The following SLC22A15 variants were observed in gnomAD, a reference collection of about 807,000 sequenced individuals.
SLC22A15 encodes solute carrier family 22 member 15.
A neutral mutation model predicts 62.7 loss-of-function variants in SLC22A15; 45 were observed. The observed-to-expected ratio is 0.72, with a 90% CI of 0.56 to 0.92. SLC22A15 has a LOEUF of 0.92. SLC22A15 is among the 40% of genes least tolerant of loss of function. The probability of loss-of-function intolerance (pLI) is 0.00; values close to 1 mark genes in which losing one functional copy is unlikely to be tolerated. For synonymous variants in SLC22A15, 264 were observed against 267.0 expected (o/e 0.99, Z 0.11); for missense variants, 622 against 665.6 (o/e 0.93, Z 0.72).
In SLC22A15 at chr1:116,067,026, A is replaced by G; in HGVS notation, c.1562A>G (p.Asp521Gly). 2 of 1,611,680 alleles carry G rather than the reference A, an allele frequency of 1.2e-6. No individual in the cohort carries two copies. Among genetic ancestry groups the G allele is most frequent in the Non-Finnish European group, 1.7e-6 (2 of 1,178,842 alleles). The change falls in exon 12 of 12, where the codon GAC (aspartate) becomes GGC (glycine). Residue 521 changes from aspartate (D) to glycine (G), a missense_variant. Asp to Gly is a moderately conservative substitution (Grantham distance 94). Coordinates refer to ENST00000369503, the MANE Select transcript of SLC22A15 (RefSeq NM_018420.3). ...LQALDPQQCV[D>G]KESSLGSESE... ...TCTTCTTTCCTGTTTCAGTGTGTGG[A>G]CAAGGAGAGCTCTTTAGGGAGTGAG...
chr1:115,985,805 G>A (rs1201731091), intron 1 of SLC22A15, among the ~76,000 whole-genome samples: 1 of 151,792 alleles, frequency 6.6e-6, no homozygotes, highest in East Asian at 1.9e-4. Flanking sequence ...AAATTAGCTG[G>A]GTGTGGTGGC....
At chr1:116,027,130 T>C (rs1460485663) in intron 5 of SLC22A15, 108 bp downstream of exon 5, 2 of 1,069,152 alleles carry the variant, frequency 1.9e-6, no homozygotes, top group Admixed American at 4.2e-5. Context: ...TTGCCTGCAC[T>C]GACTTTGGTG....
chr1:116,023,550 C>T (rs139377436), intron 4 of SLC22A15, among the ~76,000 whole-genome samples: 26 of 152,230 alleles, frequency 1.7e-4, no homozygotes, highest in South Asian at 6.2e-4. Context: ...ATTTATTAAA[C>T]GGATTCTGCC....
chr1:116,020,709 TTC>T lies in SLC22A15; in HGVS notation c.434-8_434-7del. The T allele has an allele frequency of 6.3e-7, 1 of 1,599,402 alleles. No homozygotes were observed. Among genetic ancestry groups the T allele is most frequent in the Non-Finnish European group, 8.5e-7 (1 of 1,171,176 alleles). Reference sequence around the variant, plus strand: ...TGCCTCTGGATTATTGAATATTGTTTTCTCTTTCTAGGTTTTGCTCTTGACAT... The same window carrying T: ...TGCCTCTGGATTATTGAATATTGTTTTCTTTCTAGGTTTTGCTCTTGACAT... On this transcript the variant is annotated splice_polypyrimidine_tract_variant and intron_variant, in intron 3 of 11. Coordinates refer to ENST00000369503, the MANE Select transcript of SLC22A15 (RefSeq NM_018420.3).
At chr1:116,031,843 T>C (rs1657416430) in intron 6 of SLC22A15, 1 of 1,304,056 alleles carries the variant, frequency 7.7e-7, no homozygotes, top group Non-Finnish European at 9.7e-7. Context: ...ATCTTTGCTT[T>C]TGAGGTATTT....
intron 8 of SLC22A15, among the ~76,000 whole-genome samples, chr1:116,042,682 T>C (rs944109622): frequency 3.9e-5 from 6 of 152,192 alleles, no homozygotes; most frequent in Non-Finnish European, 7.3e-5. Flanking sequence ...ATACTTGTAA[T>C]AAATTTATAG....
At chr1:116,066,883 G>C in intron 11 of SLC22A15, 136 bp from the exon 12 acceptor site, 1 of 939,624 alleles carries the variant, frequency 1.1e-6, no homozygotes, top group South Asian at 1.7e-5. Context: ...AGCTTTCCTA[G>C]AATATTTTAG....
At chr1:116,037,741 C>G (rs2101477444) in intron 8 of SLC22A15, among the ~76,000 whole-genome samples, 1 of 152,234 alleles carries the variant, frequency 6.6e-6, no homozygotes, top group East Asian at 1.9e-4. Context: ...GTCATTACAG[C>G]CAACCACAAG....
intron 2 of SLC22A15, among the ~76,000 whole-genome samples, chr1:116,009,099 C>A (rs1363339653): frequency 6.6e-6 from 1 of 152,160 alleles, no homozygotes; most frequent in Non-Finnish European, 1.5e-5. Context: ...AAGTCTCATA[C>A]TCTCAGCAGT....
chr1:115,985,405 C>T (rs1459591876), intron 1 of SLC22A15, among the ~76,000 whole-genome samples: 6 of 152,102 alleles, frequency 3.9e-5, no homozygotes, highest in African/African-American at 1.4e-4. Flanking sequence ...ATGATGGACT[C>T]GCCTAAGGAC....
chr1:116,024,592 G>A lies in SLC22A15; in HGVS notation c.599-2301G>A, dbSNP rs950664548. Among the ~76,000 whole-genome samples, 13 of 151,884 alleles carry A rather than the reference G, an allele frequency of 8.6e-5. No homozygotes were observed. In the East Asian group the frequency reaches 1.9e-3, roughly 23 times the overall value. On this transcript the variant is annotated intron_variant, in intron 4 of 11. Transcript: ENST00000369503. ...AGAGCCTTATTATATTCATCTCTAC[G>A]CCTTCTCCCTGTTGTCATTCTAATG...
Position 116,067,399 on chromosome 1 carries a change from G to T in SLC22A15, c.*291G>T, listed in dbSNP as rs1193338239. ...CCAAACCCACATTCCAAAGTGGTAG[G>T]CTCATTTGTTTCTAGAGATTTCATC... is the stretch of plus-strand genomic sequence containing the variant. On this transcript the variant is annotated 3_prime_UTR_variant, in exon 12 of 12. Coordinates refer to ENST00000369503, the MANE Select transcript of SLC22A15 (RefSeq NM_018420.3). The T allele has an allele frequency of 9.5e-6, 3 of 315,534 alleles. No individual in the cohort carries two copies. Among genetic ancestry groups the T allele is most frequent in the East Asian group, 1.1e-4 (2 of 17,716 alleles). 19.5% of individuals were successfully genotyped at this position (315,534 alleles called of 1,614,324 possible).
At chr1:116,018,632 A>AT (rs1557889071) in intron 2 of SLC22A15, among the ~76,000 whole-genome samples, 1 of 151,628 alleles carries the variant, frequency 6.6e-6, no homozygotes, top group Admixed American at 6.6e-5. Flanking sequence ...CTTCCTTTTT[A>AT]TTTTTTTAAT....
chr1:116,002,062 C>T (rs894568189), intron 2 of SLC22A15, among the ~76,000 whole-genome samples: 6 of 152,238 alleles, frequency 3.9e-5, no homozygotes, highest in African/African-American at 1.4e-4. Context: ...TGAGATAGCA[C>T]CTCAAGCCTA....
At chr1:116,016,064 T>G (rs968397124) in intron 2 of SLC22A15, among the ~76,000 whole-genome samples, 1 of 152,040 alleles carries the variant, frequency 6.6e-6, no homozygotes, top group Non-Finnish European at 1.5e-5. Context: ...ATATGAAACT[T>G]TCTTTCTCTT....
At chr1:116,028,533 TTTTTTTTTTTTTTTTA>T (rs1657217468) in intron 5 of SLC22A15, among the ~76,000 whole-genome samples, 1 of 110,858 alleles carries the variant, frequency 9.0e-6, no homozygotes, top group South Asian at 3.9e-4. Flanking sequence ...CTTTTTTTTT[TTTTTTTTTTTTTTTTA>T]AAATATATAG....
intron 8 of SLC22A15, among the ~76,000 whole-genome samples, chr1:116,046,088 C>A (rs1657923524): frequency 6.6e-6 from 1 of 152,104 alleles, no homozygotes; most frequent in Non-Finnish European, 1.5e-5. Context: ...ACATTATATG[C>A]AGTAATAAAC....
intron 8 of SLC22A15, among the ~76,000 whole-genome samples, chr1:116,045,887 G>A (rs979765750): frequency 6.6e-6 from 1 of 151,652 alleles, no homozygotes; most frequent in East Asian, 1.9e-4. Context: ...TTTTGACAGA[G>A]CTGAGGTTTC....
intron 1 of SLC22A15, 104 bp downstream of exon 1, chr1:115,976,818 C>T (rs958020627): frequency 1.1e-5 from 10 of 882,734 alleles, no homozygotes; most frequent in Non-Finnish European, 1.4e-5. Context: ...GAGGCCGAGG[C>T]TCTGCAAACA....
Sources: allele counts gnomAD v4.1 joint callset (sites outside exome capture counted in the v4.1 genomes callset), GRCh38; gene constraint gnomAD v4.1.1; transcripts MANE v1.5; gene names NCBI Gene and HGNC (gene_info 2026-07-23, HGNC 2026-07-21).